The following TTLL11 variants were observed in gnomAD, a reference collection of about 807,000 sequenced individuals.
TTLL11 encodes the protein tubulin tyrosine ligase like 11.
In TTLL11, 42 loss-of-function variants were observed where a neutral mutation model predicts 51.7. That is an observed-to-expected ratio of 0.81 (90% CI 0.64 to 1.05). TTLL11 has a LOEUF of 1.05. TTLL11 is among the 50% of genes least tolerant of loss of function. The probability of loss-of-function intolerance (pLI) is 0.00; values close to 1 mark genes in which losing one functional copy is unlikely to be tolerated. For synonymous variants in TTLL11, 381 were observed against 383.5 expected (o/e 0.99, Z 0.08); for missense variants, 799 against 940.4 (o/e 0.85, Z 1.97).
intron 6 of TTLL11, among the ~76,000 whole-genome samples, chr9:121,871,791 T>C (rs1281444661): frequency 6.6e-6 from 1 of 152,232 alleles, no homozygotes; most frequent in African/African-American, 2.4e-5. Flanking sequence ...CCTTGTGTGC[T>C]GCTCCTCCCA....
intron 1 of TTLL11, among the ~76,000 whole-genome samples, chr9:122,051,530 C>T (rs1436156032): frequency 6.6e-6 from 1 of 152,172 alleles, no homozygotes; most frequent in Non-Finnish European, 1.5e-5. Flanking sequence ...CTGCTTGTTG[C>T]TCATCCCACG....
At chr9:122,047,853 G>A (rs770097278) in intron 1 of TTLL11, among the ~76,000 whole-genome samples, 34 of 152,108 alleles carry the variant, frequency 2.2e-4, no homozygotes, top group East Asian at 3.9e-4. Context: ...TTTGATATGC[G>A]TGTCTCAGGT....
rs1187615006 is a variant in TTLL11, at chr9:121,822,745, G to C, written c.1975C>G (p.Arg659Gly). Residue 659 changes from arginine to glycine, a missense_variant, in exon 9 of 9, where the codon CGC becomes GGC. By Grantham distance (125) the Arg-to-Gly change is moderately radical. Coordinates refer to ENST00000321582, the MANE Select transcript of TTLL11 (RefSeq NM_001139442.2). The surrounding 1 kb of genome is among the most constrained non-coding windows in gnomAD (Gnocchi z 5.8). ...GGGACGCCCCGGCCACACACCAGGCGTTTTTCATCCAGCAGGGACAGGTGG... is the reference window on the plus strand; with the variant it reads ...GGGACGCCCCGGCCACACACCAGGCCTTTTTCATCCAGCAGGGACAGGTGG... ...EYHLSLLDEK[R>G]LVCGRGVPSG... is the part of the protein sequence containing the mutation. The C allele has an allele frequency of 6.4e-7, 1 of 1,551,626 alleles. No homozygotes were observed. The highest frequency in any genetic ancestry group is 2.4e-5 in the East Asian group (1 of 40,918).
intron 6 of TTLL11, among the ~76,000 whole-genome samples, chr9:121,956,787 T>C (rs1842033438): frequency 6.6e-6 from 1 of 152,152 alleles, no homozygotes; most frequent in Non-Finnish European, 1.5e-5. Context: ...ACTCTGGGAG[T>C]ACAGTTCAGC....
At position 121,816,706 on chromosome 9, in the gene TTLL11, T is replaced by TC. The variant is rs1836422539; in HGVS notation, c.*5880_*5881insG. The TC allele has an allele frequency of 6.6e-6, 1 of 152,228 alleles. No individual in the cohort carries two copies. Among genetic ancestry groups the TC allele is most frequent in the Non-Finnish European group, 1.5e-5 (1 of 68,082 alleles). 9.4% of individuals were successfully genotyped at this position (152,228 alleles called of 1,614,324 possible). Reference sequence around the variant, plus strand: ...TGTGCATCGTGTGTGCGTGCGTGTGTGTGCATGCATGCGCGCGTGTGTGTA... The same window carrying TC: ...TGTGCATCGTGTGTGCGTGCGTGTGTCGTGCATGCATGCGCGCGTGTGTGTA... On this transcript the variant is annotated 3_prime_UTR_variant, in exon 9 of 9. Coordinates refer to ENST00000321582, the MANE Select transcript of TTLL11 (RefSeq NM_001139442.2).
intron 8 of TTLL11, among the ~76,000 whole-genome samples, chr9:121,855,843 C>A (rs576333179): frequency 6.6e-6 from 1 of 152,232 alleles, no homozygotes; most frequent in Non-Finnish European, 1.5e-5. Context: ...ACAGAATGCA[C>A]AGTGGGTGGC....
intron 3 of TTLL11, among the ~76,000 whole-genome samples, chr9:121,997,576 G>C (rs1045834623): frequency 2.6e-5 from 4 of 152,206 alleles, no homozygotes; most frequent in African/African-American, 9.6e-5. Flanking sequence ...GCTGCAGAGA[G>C]GGCGTGGGCT....
rs1281042877 is a variant in TTLL11, at chr9:121,890,813, C to T, written c.1482-20065G>A. On this transcript the variant is annotated intron_variant, in intron 6 of 8. Transcript: ENST00000321582. The surrounding 1 kb of genome is among the most constrained non-coding windows in gnomAD (Gnocchi z 4.3). ...AATGGGTGCATGAATGCATGAATGA[C>T]TGGCTCTTCTCTGCCTGCAGAGTGA... is the stretch of plus-strand genomic sequence containing the variant. Among the ~76,000 whole-genome samples the T allele has an allele frequency of 6.6e-6, 1 of 152,174 alleles. No homozygotes were observed. The highest frequency in any genetic ancestry group is 6.5e-5 in the Admixed American group (1 of 15,284).
chr9:121,930,415 T>C (rs532722059), intron 6 of TTLL11, among the ~76,000 whole-genome samples: 2 of 152,312 alleles, frequency 1.3e-5, no homozygotes, highest in African/African-American at 4.8e-5. Context: ...CTGGGGAAAG[T>C]ATAGATACAA....
chr9:121,897,575 C>G (rs1019811829), intron 6 of TTLL11, among the ~76,000 whole-genome samples: 4 of 151,340 alleles, frequency 2.6e-5, no homozygotes, highest in Non-Finnish European at 5.9e-5. Context: ...CTCTTGGCTA[C>G]CCCGCATCCC....
At chr9:121,883,604 C>G (rs1564287256) in intron 6 of TTLL11, among the ~76,000 whole-genome samples, 1 of 152,144 alleles carries the variant, frequency 6.6e-6, no homozygotes, top group East Asian at 1.9e-4. Flanking sequence ...AAAAGTCTAA[C>G]TTTTTACTTT....
At chr9:121,852,435 C>T (rs1439773559) in intron 8 of TTLL11, among the ~76,000 whole-genome samples, 1 of 152,156 alleles carries the variant, frequency 6.6e-6, no homozygotes, top group East Asian at 1.9e-4. Context: ...CGGCTTTCTA[C>T]ACAACACTGG....
intron 6 of TTLL11, among the ~76,000 whole-genome samples, chr9:121,921,304 C>T (rs1350019396): frequency 6.6e-6 from 1 of 152,172 alleles, no homozygotes; most frequent in African/African-American, 2.4e-5. Context: ...ATTCATATCA[C>T]AAGGCCAGTA....
chr9:122,013,718 C>A (rs1451848150), intron 3 of TTLL11, among the ~76,000 whole-genome samples: 2 of 152,122 alleles, frequency 1.3e-5, no homozygotes, highest in Non-Finnish European at 2.9e-5. Flanking sequence ...GTTGCCACAG[C>A]CAGCCCCACA....
intron 6 of TTLL11, among the ~76,000 whole-genome samples, chr9:121,904,018 C>T (rs1839851337): frequency 6.6e-6 from 1 of 152,190 alleles, no homozygotes; most frequent in South Asian, 2.1e-4. Context: ...CATGCCCGGG[C>T]TAAGCCTGTC....
intron 6 of TTLL11, among the ~76,000 whole-genome samples, chr9:121,884,188 T>A (rs948287223): frequency 1.3e-5 from 2 of 151,976 alleles, no homozygotes; most frequent in Non-Finnish European, 2.9e-5. Flanking sequence ...TAAGGAGCAG[T>A]GTGTTTATGG....
At chr9:122,029,530 T>A (rs1844460143) in intron 3 of TTLL11, among the ~76,000 whole-genome samples, 1 of 152,194 alleles carries the variant, frequency 6.6e-6, no homozygotes, top group Non-Finnish European at 1.5e-5. Flanking sequence ...TTTTAACATT[T>A]AAACATAGAA....
intron 2 of TTLL11, 139 bp from the exon 3 acceptor site, chr9:122,031,995 T>C: frequency 8.3e-7 from 1 of 1,202,154 alleles, no homozygotes; most frequent in East Asian, 2.5e-5. Flanking sequence ...TCTGAGTTGT[T>C]CCCCACAGCG....
At chr9:121,888,895 C>A (rs367864775) in intron 6 of TTLL11, among the ~76,000 whole-genome samples, 1 of 152,232 alleles carries the variant, frequency 6.6e-6, no homozygotes, top group East Asian at 1.9e-4. Context: ...CTCAGCCCTG[C>A]CAGGCAGGAA....
Sources: gnomAD v4.1 joint callset for allele counts (sites outside exome capture counted in the v4.1 genomes callset) on GRCh38, gnomAD v4.1.1 for gene constraint, Gnocchi (gnomAD v3.1) non-coding constraint, MANE v1.5 for transcripts, NCBI Gene and HGNC (gene_info 2026-07-23, HGNC 2026-07-21) for gene names.